Variants in STRN3 observed in about 807,000 individuals in gnomAD.
STRN3 encodes striatin 3.
A neutral mutation model predicts 95.6 loss-of-function variants in STRN3; 29 were observed. The observed-to-expected ratio is 0.30, with a 90% confidence interval of 0.23 to 0.41. The LOEUF is 0.41. Among genes scored for constraint, STRN3 ranks in the 10% least tolerant of loss-of-function variants. The probability of loss-of-function intolerance (pLI) is 1.00; values close to 1 mark genes in which losing one functional copy is unlikely to be tolerated. For synonymous variants in STRN3, 331 were observed against 357.6 expected (o/e 0.93, Z 0.84); for missense variants, 890 against 972.1 (o/e 0.92, Z 1.12).
intron 8 of STRN3, among the ~76,000 whole-genome samples, chr14:30,927,527 C>T (rs1878242348): frequency 6.6e-6 from 1 of 151,712 alleles, no homozygotes; most frequent in Non-Finnish European, 1.5e-5. Context: ...CATTATCTAA[C>T]ATTTCAAAAG....
At chr14:31,017,167 T>G (rs929625189) in intron 1 of STRN3, among the ~76,000 whole-genome samples, 7 of 151,586 alleles carry the variant, frequency 4.6e-5, no homozygotes, top group Non-Finnish European at 7.4e-5. Flanking sequence ...TAAAAAGTTT[T>G]AAAAAGTGTA....
At chr14:30,959,001 C>T (rs187982488) in intron 1 of STRN3, among the ~76,000 whole-genome samples, 12 of 152,168 alleles carry the variant, frequency 7.9e-5, no homozygotes, top group African/African-American at 2.2e-4. Flanking sequence ...ACAAGGAAAA[C>T]GCTCAAGAAT....
intron 8 of STRN3, among the ~76,000 whole-genome samples, chr14:30,923,012 T>C (rs978312580): frequency 6.6e-6 from 1 of 152,168 alleles, no homozygotes; most frequent in African/African-American, 2.4e-5. Flanking sequence ...TAGTTGAAAA[T>C]AACATCTCTT....
chr14:30,925,729 ACT>A (rs1897011542), intron 8 of STRN3, among the ~76,000 whole-genome samples: 2 of 152,122 alleles, frequency 1.3e-5, no homozygotes, highest in South Asian at 2.1e-4. Flanking sequence ...TATGCTAACT[ACT>A]CTGATTTTTA....
intron 13 of STRN3, among the ~76,000 whole-genome samples, chr14:30,907,373 T>C (rs1594418080): frequency 6.6e-6 from 1 of 152,086 alleles, no homozygotes; most frequent in African/African-American, 2.4e-5. Flanking sequence ...TCAATGATTT[T>C]TGGTATGTTG....
chr14:30,923,413 A>T (rs1279918179), intron 8 of STRN3, among the ~76,000 whole-genome samples: 1 of 152,182 alleles, frequency 6.6e-6, no homozygotes, highest in Non-Finnish European at 1.5e-5. Flanking sequence ...CCCCTTTTCA[A>T]ATGTATTGAT....
chr14:30,945,122 T>A (rs1879295847), intron 5 of STRN3, among the ~76,000 whole-genome samples: 1 of 152,180 alleles, frequency 6.6e-6, no homozygotes, highest in Admixed American at 6.5e-5. Context: ...CTTGTATTTA[T>A]CAATTCCGTA....
chr14:30,944,476 T>TATACATA (rs1169885581), intron 5 of STRN3, among the ~76,000 whole-genome samples: 1 of 149,058 alleles, frequency 6.7e-6, no homozygotes, highest in Admixed American at 6.7e-5. Context: ...TATGTGTATA[T>TATACATA]ATACATAATA....
chr14:30,926,126 T>G (rs1594446557), intron 8 of STRN3, among the ~76,000 whole-genome samples: 1 of 152,124 alleles, frequency 6.6e-6, no homozygotes, highest in East Asian at 1.9e-4. Context: ...GAGTGAAAAG[T>G]TTTCAATTTA....
intron 1 of STRN3, among the ~76,000 whole-genome samples, chr14:30,999,189 G>C (rs755685712): frequency 2.0e-5 from 3 of 152,062 alleles, no homozygotes; most frequent in African/African-American, 7.2e-5. Flanking sequence ...GACTACAGGT[G>C]CATGTGCCAC....
rs200935816 is a variant in STRN3 at position 30,895,636 on chromosome 14, G to A, written c.2224+26C>T. The A allele has an allele frequency of 3.7e-6, 6 of 1,611,742 alleles. No homozygotes were observed. The African/African-American group carries it at 6.7e-5, about 18-fold the overall frequency. On this transcript the variant is annotated intron_variant, in intron 17 of 17. Coordinates refer to ENST00000357479, the MANE Select transcript of STRN3 (RefSeq NM_001083893.2). ...AGTAACAATCTTTTATAAAGTTTGT[G>A]GGCAGTACAGGACTTTAAGACTTAC...
intron 5 of STRN3, among the ~76,000 whole-genome samples, chr14:30,940,649 A>G (rs1879048733): frequency 6.6e-6 from 1 of 152,088 alleles, no homozygotes; most frequent in Non-Finnish European, 1.5e-5. Context: ...CATTGATTTT[A>G]TGGAGTAACT....
intron 1 of STRN3, among the ~76,000 whole-genome samples, chr14:30,996,166 A>G (rs1882189447): frequency 6.6e-6 from 1 of 152,190 alleles, no homozygotes; most frequent in Admixed American, 6.5e-5. Flanking sequence ...CAGCTCCCCC[A>G]GGGAACTCAA....
At chr14:31,011,864 G>A (rs1478820379) in intron 1 of STRN3, among the ~76,000 whole-genome samples, 1 of 152,134 alleles carries the variant, frequency 6.6e-6, no homozygotes, top group African/African-American at 2.4e-5. Context: ...AGGACCACCT[G>A]AGGTCAGGAG....
intron 1 of STRN3, among the ~76,000 whole-genome samples, chr14:30,963,725 T>C (rs975468634): frequency 1.3e-5 from 2 of 152,072 alleles, no homozygotes; most frequent in African/African-American, 4.8e-5. Context: ...TTAATAACTT[T>C]AAAAAGACAG....
chr14:30,936,595 T>A lies in STRN3; in HGVS notation c.746A>T (p.Asn249Ile). 6.2e-7 allele frequency: 1 copy of A among 1,613,754 alleles called. No individual in the cohort carries two copies. Among genetic ancestry groups the A allele is most frequent in the Non-Finnish European group, 8.5e-7 (1 of 1,179,820 alleles). The change falls in exon 6 of 18, where the codon AAT becomes ATT. Residue 249 changes from asparagine to isoleucine, a missense_variant. Physicochemically the swap from Asn to Ile is moderately radical, Grantham distance 149. Transcript: ENST00000357479. ...ACTGTCATCGGCATTTTCTAAGAAA[T>A]TGAACGTCTCAAGAACATCACCAGA... Reference protein sequence around the residue: ...RSSGDVLETFNFLENADDSDE... With the variant: ...RSSGDVLETFIFLENADDSDE...
chr14:31,002,647 GA>G (rs35719624), intron 1 of STRN3, among the ~76,000 whole-genome samples: 17 of 140,990 alleles, frequency 1.2e-4, no homozygotes, highest in East Asian at 6.4e-4. Context: ...TCTCAAAAAA[GA>G]AAAAAAAAAA....
At chr14:30,938,818 T>G (rs951595946) in intron 5 of STRN3, among the ~76,000 whole-genome samples, 1 of 152,140 alleles carries the variant, frequency 6.6e-6, no homozygotes, top group Non-Finnish European at 1.5e-5. Flanking sequence ...AAATAGACAT[T>G]GCATCATAAC....
intron 1 of STRN3, among the ~76,000 whole-genome samples, chr14:30,978,158 T>C (rs1159988754): frequency 3.3e-5 from 5 of 152,212 alleles, no homozygotes; most frequent in African/African-American, 1.2e-4. Flanking sequence ...ATTCACGTGA[T>C]GAAGCCAGCA....
Sources: allele counts gnomAD v4.1 joint callset (sites outside exome capture counted in the v4.1 genomes callset), GRCh38; gene constraint gnomAD v4.1.1; transcripts MANE v1.5; gene names NCBI Gene and HGNC (gene_info 2026-07-23, HGNC 2026-07-21).